The following NDUFS4 variants were observed in gnomAD, a reference collection of about 807,000 sequenced individuals.
NDUFS4 encodes the protein NADH:ubiquinone oxidoreductase subunit S4.
NDUFS4 carries 28 observed loss-of-function variants against 24.3 expected under a neutral mutation model. The ratio of observed to expected loss-of-function variants is 1.15; its 90% CI spans 0.85 to 1.58. The LOEUF (loss-of-function observed/expected upper bound fraction) is 1.58, where lower values mean the gene tolerates loss of function less well. Among genes scored for constraint, NDUFS4 ranks in the 40% most tolerant of loss-of-function variants. The pLI is 0.00. For missense variants in NDUFS4, 223 were observed against 207.9 expected, an observed-to-expected ratio of 1.07 and a Z score of -0.45; for synonymous variants, 93 against 69.7, an observed-to-expected ratio of 1.34 and a Z score of -1.67.
intron 2 of NDUFS4, among the ~76,000 whole-genome samples, chr5:53,637,737 C>G (rs1751599357): frequency 6.6e-6 from 1 of 152,040 alleles, no homozygotes; most frequent in African/African-American, 2.4e-5. Flanking sequence ...AATTCTTGTT[C>G]TGCTTGATTT....
chr5:53,575,389 T>C (rs1410449715), intron 1 of NDUFS4, among the ~76,000 whole-genome samples: 1 of 152,068 alleles, frequency 6.6e-6, no homozygotes, highest in Non-Finnish European at 1.5e-5. Context: ...TACAGTGTGC[T>C]TGCTACATCT....
At chr5:53,681,974 A>G (rs1288047584) in intron 4 of NDUFS4, among the ~76,000 whole-genome samples, 2 of 143,202 alleles carry the variant, frequency 1.4e-5, no homozygotes, top group Non-Finnish European at 3.0e-5. Flanking sequence ...ACCGAGATCA[A>G]GAGGCTCACT....
intron 1 of NDUFS4, among the ~76,000 whole-genome samples, chr5:53,598,584 G>T (rs1750202142): frequency 6.6e-6 from 1 of 151,982 alleles, no homozygotes; most frequent in African/African-American, 2.4e-5. Flanking sequence ...GAGGAGTTGA[G>T]ATTTTCTCAT....
intron 3 of NDUFS4, among the ~76,000 whole-genome samples, chr5:53,653,063 T>C (rs142558778): frequency 4.6e-5 from 7 of 152,336 alleles, no homozygotes; most frequent in Admixed American, 2.0e-4. Context: ...GCTGTATTAA[T>C]GTACATTGGT....
At chr5:53,644,308 CAG>C (rs1281210180) in intron 2 of NDUFS4, among the ~76,000 whole-genome samples, 2 of 152,108 alleles carry the variant, frequency 1.3e-5, no homozygotes, top group Admixed American at 6.6e-5. Flanking sequence ...CAGCTCAGAA[CAG>C]AGGGGATGCT....
intron 2 of NDUFS4, among the ~76,000 whole-genome samples, chr5:53,629,001 C>T (rs988021166): frequency 6.6e-6 from 1 of 152,110 alleles, no homozygotes; most frequent in Admixed American, 6.5e-5. Flanking sequence ...TTCCTGCTTT[C>T]TCTTGTGGGC....
intron 4 of NDUFS4, among the ~76,000 whole-genome samples, chr5:53,661,840 G>A (rs1451594182): frequency 6.6e-6 from 1 of 152,106 alleles, no homozygotes; most frequent in Non-Finnish European, 1.5e-5. Context: ...TTTTGCACAT[G>A]GATTTTATAT....
At chr5:53,628,414 G>C (rs7712013) in intron 2 of NDUFS4, among the ~76,000 whole-genome samples, 65,706 of 152,014 alleles carry the variant, frequency 0.43, 14,870 homozygotes, top group Admixed American at 0.51. Flanking sequence ...TTAAGGAGGA[G>C]TCCCTCATTT....
At chr5:53,650,628 T>G (rs568146614) in intron 3 of NDUFS4, among the ~76,000 whole-genome samples, 62 of 152,336 alleles carry the variant, frequency 4.1e-4, no homozygotes, top group African/African-American at 1.4e-3. Context: ...TAGACAGTTC[T>G]GGAATGAGGG....
chr5:53,603,331 C>G, intron 1 of NDUFS4, 121 bp from the exon 2 acceptor site: 1 of 701,212 alleles, frequency 1.4e-6, no homozygotes. Context: ...TCTTTCTTTC[C>G]TTTCCTTTTT....
intron 1 of NDUFS4, among the ~76,000 whole-genome samples, chr5:53,590,327 A>C (rs1442612611): frequency 6.6e-6 from 1 of 152,204 alleles, no homozygotes; most frequent in East Asian, 1.9e-4. Context: ...TTATAACATA[A>C]ATCTATTAAT....
chr5:53,588,587 A>G (rs1229263977), intron 1 of NDUFS4, among the ~76,000 whole-genome samples: 2 of 152,182 alleles, frequency 1.3e-5, no homozygotes, highest in African/African-American at 4.8e-5. Flanking sequence ...TCATGAAGTG[A>G]AAAATATATG....
chr5:53,681,901 A>G (rs377672751), intron 4 of NDUFS4, among the ~76,000 whole-genome samples: 28 of 152,124 alleles, frequency 1.8e-4, no homozygotes, highest in African/African-American at 6.5e-4. Context: ...CTTTTGTGGT[A>G]AAACTGAATA....
intron 1 of NDUFS4, among the ~76,000 whole-genome samples, chr5:53,576,748 C>G (rs375318834): frequency 6.6e-6 from 1 of 152,276 alleles, no homozygotes; most frequent in East Asian, 1.9e-4. Context: ...AAATTTAGAA[C>G]AGGAATATTT....
chr5:53,682,452 T>C (rs986311971), intron 4 of NDUFS4, among the ~76,000 whole-genome samples: 7 of 152,066 alleles, frequency 4.6e-5, no homozygotes, highest in Non-Finnish European at 1.0e-4. Flanking sequence ...TCTGATCTAG[T>C]GGGCCTTTGG....
chr5:53,617,608 C>G (rs1750882567), intron 2 of NDUFS4, among the ~76,000 whole-genome samples: 1 of 152,020 alleles, frequency 6.6e-6, no homozygotes, highest in Non-Finnish European at 1.5e-5. Flanking sequence ...TCTTCTTTCT[C>G]TCACTTTCCC....
chr5:53,663,489 G>GGGT (rs1285270387), intron 4 of NDUFS4, among the ~76,000 whole-genome samples: 1 of 152,144 alleles, frequency 6.6e-6, no homozygotes, highest in Non-Finnish European at 1.5e-5. Flanking sequence ...AGGTCACTCA[G>GGGT]GACTTGCTTT....
intron 1 of NDUFS4, among the ~76,000 whole-genome samples, chr5:53,575,644 C>T (rs578121068): frequency 8.1e-5 from 11 of 135,996 alleles, no homozygotes; most frequent in Non-Finnish European, 1.5e-4. Context: ...CGGGTTAAAT[C>T]GATTCATGTG....
At chr5:53,577,894 C>T (rs1749436888) in intron 1 of NDUFS4, among the ~76,000 whole-genome samples, 1 of 152,178 alleles carries the variant, frequency 6.6e-6, no homozygotes, top group Non-Finnish European at 1.5e-5. Context: ...GATCAACCTA[C>T]AGTTTTCTTT....
Sources: gnomAD v4.1 joint callset for allele counts (sites outside exome capture counted in the v4.1 genomes callset) on GRCh38, gnomAD v4.1.1 for gene constraint, MANE v1.5 for transcripts, NCBI Gene and HGNC (gene_info 2026-07-23, HGNC 2026-07-21) for gene names.